Variants in NRF1 observed in about 807,000 individuals in gnomAD.
NRF1 encodes the protein alpha palindromic-binding protein.
Under a neutral mutation model 58.5 loss-of-function variants are expected in NRF1, and 5 were observed. That is an observed-to-expected ratio of 0.09 (90% CI 0.04 to 0.18). The LOEUF (loss-of-function observed/expected upper bound fraction) is 0.18, where lower values mean the gene tolerates loss of function less well. Ranked by LOEUF, NRF1 falls within the 10% of genes least tolerant of loss-of-function variation. NRF1 has a pLI of 1.00. For missense variants in NRF1, 288 were observed against 657.7 expected, an observed-to-expected ratio of 0.44 and a Z score of 6.15; for synonymous variants, 224 against 246.7, an observed-to-expected ratio of 0.91 and a Z score of 0.86.
At chr7:129,714,219 C>G (rs536910683) in intron 8 of NRF1, among the ~76,000 whole-genome samples, 1 of 152,346 alleles carries the variant, frequency 6.6e-6, no homozygotes, top group East Asian at 1.9e-4. Context: ...TACTGTCATT[C>G]CATGCCATAT....
intron 1 of NRF1, among the ~76,000 whole-genome samples, chr7:129,649,942 G>C (rs889745474): frequency 6.6e-6 from 1 of 151,792 alleles, no homozygotes; most frequent in Non-Finnish European, 1.5e-5. Flanking sequence ...TTGTAGAGAG[G>C]GGGTCTCCCT....
intron 7 of NRF1, among the ~76,000 whole-genome samples, chr7:129,710,837 C>G (rs564449299): frequency 4.1e-4 from 62 of 151,808 alleles, no homozygotes; most frequent in Non-Finnish European, 8.1e-4. Flanking sequence ...AGATCTCTCT[C>G]TGTCATCACA....
At position 129,751,881 on chromosome 7, in the gene NRF1, GAT is replaced by G. The variant is rs201354529; in HGVS notation, c.1349-3135_1349-3134del. Among the ~76,000 whole-genome samples the G allele has an allele frequency of 8.8e-3, 1,336 of 152,350 alleles. 22 individuals are homozygous for G. Among genetic ancestry groups the G allele is most frequent in the African/African-American group, 0.031 (1,270 of 41,574 alleles). ...TTTGACCAGAAGAGAGCCTGATCGT[GAT>G]AGGAGGAGGCGGGGGACTGACGGGG... On this transcript the variant is annotated intron_variant, in intron 10 of 10. Transcript: ENST00000393232.
chr7:129,654,946 C>T (rs1306042483), intron 1 of NRF1, among the ~76,000 whole-genome samples: 1 of 152,108 alleles, frequency 6.6e-6, no homozygotes, highest in African/African-American at 2.4e-5. Flanking sequence ...GGGTCTTTTG[C>T]CTCTCCATGT....
chr7:129,664,359 T>C (rs1469788626), intron 2 of NRF1, among the ~76,000 whole-genome samples: 1 of 152,156 alleles, frequency 6.6e-6, no homozygotes, highest in African/African-American at 2.4e-5. Context: ...TTAGAAGGTA[T>C]TTAGAAAAGC....
At chr7:129,656,561 T>C (rs934252040) in intron 1 of NRF1, among the ~76,000 whole-genome samples, 2 of 150,054 alleles carry the variant, frequency 1.3e-5, no homozygotes, top group South Asian at 2.1e-4. Context: ...GTTTTTTGGG[T>C]TTTTTTTTGG....
At chr7:129,636,211 T>C (rs1243323990) in intron 1 of NRF1, among the ~76,000 whole-genome samples, 1 of 148,456 alleles carries the variant, frequency 6.7e-6, no homozygotes, top group Non-Finnish European at 1.5e-5. Flanking sequence ...TCCATCATCC[T>C]GTTTTTGTTC....
At chr7:129,677,093 C>T (rs1480793926) in intron 3 of NRF1, among the ~76,000 whole-genome samples, 2 of 148,122 alleles carry the variant, frequency 1.4e-5, no homozygotes, top group African/African-American at 5.0e-5. Context: ...TCACTGCAAC[C>T]TCCACCTCCT....
At chr7:129,668,818 GA>G (rs1234828965) in intron 2 of NRF1, among the ~76,000 whole-genome samples, 6 of 152,056 alleles carry the variant, frequency 3.9e-5, no homozygotes, top group African/African-American at 1.2e-4. Context: ...AATGTATGGT[GA>G]AAAAAAGAAG....
intron 5 of NRF1, among the ~76,000 whole-genome samples, chr7:129,701,541 G>A (rs1440884186): frequency 6.6e-6 from 1 of 150,806 alleles, no homozygotes; most frequent in African/African-American, 2.4e-5. Context: ...GTTGCAGTGA[G>A]CCGAGACCAC....
chr7:129,744,353 G>A (rs1473670498), intron 10 of NRF1: 11 of 688,068 alleles, frequency 1.6e-5, no homozygotes, highest in South Asian at 1.1e-4. Flanking sequence ...CCCCTCACTC[G>A]GTCACCTGAT....
chr7:129,732,500 A>G (rs769905727), intron 10 of NRF1, among the ~76,000 whole-genome samples: 2 of 152,210 alleles, frequency 1.3e-5, no homozygotes, highest in Non-Finnish European at 2.9e-5. Flanking sequence ...ATTTTTTAAT[A>G]TAGCTGACAC....
intron 10 of NRF1, among the ~76,000 whole-genome samples, chr7:129,740,387 G>C (rs1803818884): frequency 6.6e-6 from 1 of 152,190 alleles, no homozygotes; most frequent in Non-Finnish European, 1.5e-5. Context: ...TTCACTCTTA[G>C]TACTTCTGGC....
chr7:129,690,674 T>G (rs1802545945), intron 5 of NRF1, 128 bp downstream of exon 5: 2 of 966,748 alleles, frequency 2.1e-6, no homozygotes, highest in Admixed American at 2.5e-5. Flanking sequence ...TGGAGTCTTG[T>G]AGTGAAACAG....
At chr7:129,645,855 A>G (rs1283001720) in intron 1 of NRF1, among the ~76,000 whole-genome samples, 1 of 151,970 alleles carries the variant, frequency 6.6e-6, no homozygotes, top group Non-Finnish European at 1.5e-5. Context: ...ATTTTTATGT[A>G]TTTATGTATT....
intron 1 of NRF1, chr7:129,630,313 G>A (rs1801019231): frequency 6.6e-6 from 1 of 152,196 alleles, no homozygotes; most frequent in Non-Finnish European, 1.5e-5. Flanking sequence ...AATATAAGGT[G>A]ATAGTACTTA....
chr7:129,675,919 A>T (rs1004798281), intron 3 of NRF1, among the ~76,000 whole-genome samples: 6 of 152,224 alleles, frequency 3.9e-5, no homozygotes, highest in Non-Finnish European at 5.9e-5. Flanking sequence ...CCTAGATTGT[A>T]TCTTCTTCCA....
chr7:129,710,485 G>C lies in NRF1; in HGVS notation c.877G>C (p.Ala293Pro). Reference sequence around the variant, plus strand: ...TCAGCAAACGCAAACACAGGCCACAGCCACACATAGTATAGCTCATCTTGT... The same window carrying C: ...TCAGCAAACGCAAACACAGGCCACACCCACACATAGTATAGCTCATCTTGT... ...EDQQTQTQAT[A>P]THSIAHLVPS... Residue 293 changes from alanine to proline, a missense_variant, in exon 7 of 11, where the codon GCC (alanine) becomes CCC (proline). Ala to Pro is a conservative substitution (Grantham distance 27). Around this residue, in one of 3 missense-constraint regions of NRF1, gnomAD observed 212 missense variants for 559.7 expected, o/e 0.38. Transcript: ENST00000393232. 1 of 1,611,244 alleles carries C rather than the reference G, an allele frequency of 6.2e-7. No homozygotes were observed. The highest frequency in any genetic ancestry group is 8.5e-7 in the Non-Finnish European group (1 of 1,177,372).
intron 3 of NRF1, 44 bp downstream of exon 3, chr7:129,671,587 T>C: frequency 1.9e-6 from 2 of 1,054,662 alleles, no homozygotes; most frequent in Non-Finnish European, 3.0e-6. Flanking sequence ...CTCAAATACT[T>C]CCTGTGGATG....
Sources: gnomAD v4.1 joint callset for allele counts (sites outside exome capture counted in the v4.1 genomes callset) on GRCh38, gnomAD v4.1.1 for gene constraint, gnomAD v4.1.1 regional missense constraint, MANE v1.5 for transcripts, NCBI Gene and HGNC (gene_info 2026-07-23, HGNC 2026-07-21) for gene names.